GPR160: variants seen among roughly 807,000 people sequenced by gnomAD.
GPR160 encodes G protein-coupled receptor 160.
GPR160 carries 2 observed loss-of-function variants against 2.6 expected under a neutral mutation model. The observed-to-expected ratio is 0.77, with a 90% CI of 0.32 to 2.44. The LOEUF (loss-of-function observed/expected upper bound fraction) is 2.44. GPR160 is among the 30% of genes most tolerant of loss of function. GPR160 has a pLI of 0.11. For missense variants in GPR160, 351 were observed against 383.6 expected (o/e 0.91, Z 0.71); for synonymous variants, 130 against 132.2 (o/e 0.98, Z 0.12).
chr3:170,045,445 A>C (rs1361150950), intron 2 of GPR160, among the ~76,000 whole-genome samples: 1 of 120,630 alleles, frequency 8.3e-6, no homozygotes, highest in Non-Finnish European at 1.7e-5. Context: ...AAAAAAAAAA[A>C]AACCAATTAG....
chr3:170,084,601 C>T lies in GPR160; in HGVS notation c.629C>T (p.Ala210Val). The change falls in exon 4 of 4, where the codon GCT becomes GTT. Residue 210 changes from alanine (A) to valine (V), a missense_variant. By Grantham distance (64) the Ala-to-Val change is moderately conservative. Coordinates refer to ENST00000355897, the MANE Select transcript of GPR160 (RefSeq NM_014373.3). ...CWEEVTTLVQ[A>V]IRITSYMNET... ...GAAGAAGTTACTACTTTGGTACAGGCTATCAGGATAACTTCCTATATGAAT... is the reference window on the plus strand; with the variant it reads ...GAAGAAGTTACTACTTTGGTACAGGTTATCAGGATAACTTCCTATATGAAT... The T allele has an allele frequency of 6.2e-7, 1 of 1,612,884 alleles. No individual in the cohort carries two copies. The highest frequency in any genetic ancestry group is 1.7e-4 in the Middle Eastern group (1 of 6,060).
intron 2 of GPR160, among the ~76,000 whole-genome samples, chr3:170,063,505 G>A (rs1179904167): frequency 3.6e-5 from 5 of 138,864 alleles, no homozygotes. Context: ...TTGCACTCCA[G>A]CCTGGGTGAC....
intron 3 of GPR160, among the ~76,000 whole-genome samples, chr3:170,081,058 A>G (rs889427421): frequency 2.6e-5 from 4 of 152,246 alleles, no homozygotes; most frequent in African/African-American, 4.8e-5. Context: ...AAATCATGTG[A>G]GACAGATGAT....
chr3:170,058,591 C>A (rs1286530064), intron 2 of GPR160, among the ~76,000 whole-genome samples: 1 of 152,166 alleles, frequency 6.6e-6, no homozygotes, highest in Non-Finnish European at 1.5e-5. Flanking sequence ...ACTAGTTAAA[C>A]CGTCATTCAA....
chr3:170,048,878 C>G (rs1207180345), intron 2 of GPR160, among the ~76,000 whole-genome samples: 1 of 152,184 alleles, frequency 6.6e-6, no homozygotes, highest in Non-Finnish European at 1.5e-5. Flanking sequence ...AATGCAAAAG[C>G]TCAGGCCTGC....
At chr3:170,062,959 A>AC (rs1455985076) in intron 2 of GPR160, 4 of 295,056 alleles carry the variant, frequency 1.4e-5, no homozygotes, top group South Asian at 3.8e-5. Flanking sequence ...ACGCCACGGG[A>AC]CCCCTCCATG....
At chr3:170,058,567 A>T (rs1362700439) in intron 2 of GPR160, among the ~76,000 whole-genome samples, 4 of 152,268 alleles carry the variant, frequency 2.6e-5, no homozygotes, top group Non-Finnish European at 2.9e-5. Context: ...ATTATCTTCA[A>T]CTTAGAATTC....
At chr3:170,054,453 CATT>C (rs1278974187) in intron 2 of GPR160, among the ~76,000 whole-genome samples, 1 of 152,138 alleles carries the variant, frequency 6.6e-6, no homozygotes, top group African/African-American at 2.4e-5. Context: ...CAGGTCAAAT[CATT>C]ATAGTAAAAT....
intron 2 of GPR160, among the ~76,000 whole-genome samples, chr3:170,050,541 G>A (rs1169434366): frequency 6.6e-6 from 1 of 152,062 alleles, no homozygotes; most frequent in Non-Finnish European, 1.5e-5. Context: ...CAAGCAGCTG[G>A]GATTACAGGC....
chr3:170,050,465 A>G (rs1057293759), intron 2 of GPR160, among the ~76,000 whole-genome samples: 1 of 150,838 alleles, frequency 6.6e-6, no homozygotes. Context: ...CTGGAGTACA[A>G]TGGTGCAATC....
chr3:170,039,793 T>C (rs1299040612), intron 2 of GPR160, among the ~76,000 whole-genome samples: 1 of 152,258 alleles, frequency 6.6e-6, no homozygotes, highest in Non-Finnish European at 1.5e-5. Flanking sequence ...TAGTTCTGTT[T>C]AGTTACTTTT....
intron 3 of GPR160, chr3:170,083,661 T>C (rs1559994690): frequency 5.1e-6 from 1 of 196,880 alleles, no homozygotes; most frequent in African/African-American, 2.3e-5. Flanking sequence ...TAGAAGTTAG[T>C]AATTTATATA....
At chr3:170,083,255 CCT>C (rs1713228533) in intron 3 of GPR160, 1 of 152,086 alleles carries the variant, frequency 6.6e-6, no homozygotes, top group South Asian at 2.1e-4. Flanking sequence ...ATACTGAGTC[CCT>C]GTTCCTTCCC....
chr3:170,055,923 T>A (rs557403054), intron 2 of GPR160, among the ~76,000 whole-genome samples: 1 of 152,342 alleles, frequency 6.6e-6, no homozygotes, highest in Admixed American at 6.5e-5. Flanking sequence ...CGTGAGCCAC[T>A]GCGCCCGGCC....
chr3:170,058,086 A>G (rs78110830), intron 2 of GPR160: 1 of 152,246 alleles, frequency 6.6e-6, no homozygotes, highest in African/African-American at 2.4e-5. Flanking sequence ...GATAAAAATT[A>G]TGAAGTAGAA....
intron 2 of GPR160, chr3:170,077,092 A>G (rs764197390): frequency 1.3e-5 from 2 of 152,180 alleles, no homozygotes; most frequent in Non-Finnish European, 2.9e-5. Context: ...AACAGTATGT[A>G]AAACCCCTGA....
chr3:170,063,651 G>A (rs1216050688), intron 2 of GPR160, among the ~76,000 whole-genome samples: 2 of 151,030 alleles, frequency 1.3e-5, no homozygotes, highest in African/African-American at 4.9e-5. Flanking sequence ...GAGCTGGGAC[G>A]TGTCCCCCAC....
At chr3:170,070,827 A>C (rs181153265) in intron 2 of GPR160, among the ~76,000 whole-genome samples, 67 of 152,342 alleles carry the variant, frequency 4.4e-4, no homozygotes, top group African/African-American at 1.5e-3. Context: ...ATTTCCTGCT[A>C]TTGGAGATTT....
At chr3:170,071,311 G>A (rs1052730701) in intron 2 of GPR160, among the ~76,000 whole-genome samples, 10 of 152,078 alleles carry the variant, frequency 6.6e-5, no homozygotes, top group East Asian at 3.9e-4. Context: ...ATGAGTTCAC[G>A]CAAGAGCTGG....
Sources: allele counts gnomAD v4.1 joint callset (sites outside exome capture counted in the v4.1 genomes callset), GRCh38; gene constraint gnomAD v4.1.1; transcripts MANE v1.5; gene names NCBI Gene and HGNC (gene_info 2026-07-23, HGNC 2026-07-21).